SELENOF: variants seen among roughly 807,000 people sequenced by gnomAD.
SELENOF encodes selenoprotein F.
SELENOF carries 16 observed loss-of-function variants against 20.5 expected under a neutral mutation model. The observed-to-expected ratio is 0.78, with a 90% CI of 0.53 to 1.19. SELENOF has a LOEUF of 1.19. Among genes scored for constraint, SELENOF ranks in the 50% most tolerant of loss-of-function variants. The pLI is 0.00. For synonymous variants in SELENOF, 78 were observed against 74.5 expected (o/e 1.05, Z -0.24); for missense variants, 215 against 194.2 (o/e 1.11, Z -0.64).
intron 2 of SELENOF, among the ~76,000 whole-genome samples, chr1:86,892,722 A>G (rs1480842810): frequency 1.3e-5 from 2 of 152,208 alleles, no homozygotes; most frequent in Non-Finnish European, 2.9e-5. Context: ...TATATAAAAT[A>G]TTATCTGGCT....
At chr1:86,880,227 C>G (rs942389490) in intron 3 of SELENOF, among the ~76,000 whole-genome samples, 23 of 151,920 alleles carry the variant, frequency 1.5e-4, no homozygotes, top group African/African-American at 5.6e-4. Context: ...CCTCTGCCTC[C>G]CGGGTTCAAG....
At chr1:86,872,933 C>T (rs539854473) in intron 3 of SELENOF, among the ~76,000 whole-genome samples, 2 of 151,796 alleles carry the variant, frequency 1.3e-5, no homozygotes, top group Non-Finnish European at 2.9e-5. Flanking sequence ...GCGGCTACTC[C>T]GGAGGCTGAG....
At chr1:86,871,800 G>A (rs572848266) in intron 3 of SELENOF, among the ~76,000 whole-genome samples, 1 of 143,142 alleles carries the variant, frequency 7.0e-6, no homozygotes, top group South Asian at 2.1e-4. Context: ...ATTGGTATTT[G>A]AATACATAAT....
chr1:86,909,645 A>AAC (rs371244576), intron 1 of SELENOF, among the ~76,000 whole-genome samples: 44 of 151,726 alleles, frequency 2.9e-4, no homozygotes, highest in South Asian at 8.3e-4. Flanking sequence ...GAGGGATACT[A>AAC]ACACACACAC....
chr1:86,909,137 C>T (rs886522669), intron 1 of SELENOF, among the ~76,000 whole-genome samples: 2 of 152,194 alleles, frequency 1.3e-5, no homozygotes, highest in African/African-American at 4.8e-5. Flanking sequence ...CCCTTTAATT[C>T]CTATGGAAGT....
chr1:86,883,251 G>A (rs778390269), intron 2 of SELENOF, among the ~76,000 whole-genome samples: 17 of 152,092 alleles, frequency 1.1e-4, no homozygotes, highest in Non-Finnish European at 2.4e-4. Flanking sequence ...GAGGTAACTA[G>A]AGTAGCCAAA....
intron 3 of SELENOF, among the ~76,000 whole-genome samples, chr1:86,871,739 T>A (rs919178954): frequency 1.5e-4 from 23 of 152,232 alleles, no homozygotes; most frequent in African/African-American, 5.5e-4. Flanking sequence ...CAAGATGTTT[T>A]ACAAATTATA....
intron 2 of SELENOF, among the ~76,000 whole-genome samples, chr1:86,898,304 A>T (rs1363598511): frequency 2.0e-5 from 3 of 152,208 alleles, no homozygotes; most frequent in Non-Finnish European, 4.4e-5. Context: ...CCAAATAAAA[A>T]TAGTGGAATA....
At chr1:86,908,272 G>A (rs1222596007) in intron 1 of SELENOF, among the ~76,000 whole-genome samples, 2 of 152,148 alleles carry the variant, frequency 1.3e-5, no homozygotes, top group Non-Finnish European at 2.9e-5. Flanking sequence ...TGAGACAAAA[G>A]CAAATAGATG....
chr1:86,879,667 G>GT (rs1339205069), intron 3 of SELENOF, among the ~76,000 whole-genome samples: 1 of 152,026 alleles, frequency 6.6e-6, no homozygotes, highest in Non-Finnish European at 1.5e-5. Context: ...ATGTATTTCA[G>GT]TTAAAAAAAA....
At chr1:86,864,237 T>G (rs1658536934) in intron 4 of SELENOF, among the ~76,000 whole-genome samples, 1 of 152,378 alleles carries the variant, frequency 6.6e-6, no homozygotes, top group South Asian at 2.1e-4. Context: ...TGATTTTATT[T>G]GTAATCAGTT....
At chr1:86,902,321 T>A (rs967253587) in intron 2 of SELENOF, among the ~76,000 whole-genome samples, 4 of 152,164 alleles carry the variant, frequency 2.6e-5, no homozygotes, top group Non-Finnish European at 4.4e-5. Flanking sequence ...AATTTCAGGT[T>A]CAGATACAGA....
intron 3 of SELENOF, among the ~76,000 whole-genome samples, chr1:86,873,052 T>TAAATAAAC (rs1320107433): frequency 1.1e-4 from 6 of 54,002 alleles, no homozygotes; most frequent in African/African-American, 1.0e-3. Context: ...CTAAAATAAA[T>TAAATAAAC]AAATAAATAA....
chr1:86,869,345 T>C (rs1658694007), intron 3 of SELENOF, among the ~76,000 whole-genome samples: 2 of 152,324 alleles, frequency 1.3e-5, no homozygotes, highest in South Asian at 2.1e-4. Flanking sequence ...CAAATTAATA[T>C]GTACCACATA....
intron 3 of SELENOF, among the ~76,000 whole-genome samples, chr1:86,869,479 C>T (rs183221657): frequency 6.6e-6 from 1 of 152,034 alleles, no homozygotes; most frequent in East Asian, 1.9e-4. Flanking sequence ...AATATTTTCC[C>T]GTGCAAATGA....
At chr1:86,874,711 T>C (rs1658879815) in intron 3 of SELENOF, among the ~76,000 whole-genome samples, 2 of 152,110 alleles carry the variant, frequency 1.3e-5, no homozygotes. Flanking sequence ...AATTATGTTA[T>C]TTTCAAAATC....
chr1:86,900,692 C>T (rs1488047003), intron 2 of SELENOF, among the ~76,000 whole-genome samples: 3 of 151,690 alleles, frequency 2.0e-5, no homozygotes, highest in African/African-American at 7.3e-5. Context: ...AGACGGAGAC[C>T]GTGGGGAGAG....
At chr1:86,913,988 T>A (rs763052188) in intron 1 of SELENOF, 40 bp downstream of exon 1, 7 of 1,568,746 alleles carry the variant, frequency 4.5e-6, no homozygotes. Flanking sequence ...CAATCACTCC[T>A]ACTCTCCCTG....
At chr1:86,908,888 T>C (rs1659900729) in intron 1 of SELENOF, among the ~76,000 whole-genome samples, 1 of 152,252 alleles carries the variant, frequency 6.6e-6, no homozygotes, top group Non-Finnish European at 1.5e-5. Context: ...GCATACTCGA[T>C]GTATTTTCAG....
Sources: allele counts gnomAD v4.1 joint callset (sites outside exome capture counted in the v4.1 genomes callset), GRCh38; gene constraint gnomAD v4.1.1; transcripts MANE v1.5; gene names NCBI Gene and HGNC (gene_info 2026-07-23, HGNC 2026-07-21).